The following SGCZ variants were observed in gnomAD, a reference collection of about 807,000 sequenced individuals.
The protein encoded by SGCZ is zeta-sarcoglycan.
A neutral mutation model predicts 41.3 loss-of-function variants in SGCZ; 40 were observed. That is an observed-to-expected ratio of 0.97 (90% confidence interval 0.75 to 1.26). The LOEUF (loss-of-function observed/expected upper bound fraction) is 1.26, where lower values mean the gene tolerates loss of function less well. Among genes scored for constraint, SGCZ ranks in the 50% most tolerant of loss-of-function variants. SGCZ has a pLI of 0.00. For synonymous variants in SGCZ, 206 were observed against 137.5 expected, an observed-to-expected ratio of 1.50 and a Z score of -3.49; for missense variants, 552 against 369.8, an observed-to-expected ratio of 1.49 and a Z score of -4.04.
At chr8:14,922,002 C>T (rs1373173963) in intron 1 of SGCZ, among the ~76,000 whole-genome samples, 1 of 152,062 alleles carries the variant, frequency 6.6e-6, no homozygotes, top group Non-Finnish European at 1.5e-5. Context: ...ATATTCAAAT[C>T]ACTTTTTATT....
At chr8:14,753,778 A>G (rs1474932209) in intron 1 of SGCZ, among the ~76,000 whole-genome samples, 2 of 152,180 alleles carry the variant, frequency 1.3e-5, no homozygotes, top group East Asian at 1.9e-4. Context: ...TTGCCCATAC[A>G]TGACAGCCAA....
chr8:14,552,526 T>A (rs538984399), intron 2 of SGCZ, among the ~76,000 whole-genome samples: 1 of 151,924 alleles, frequency 6.6e-6, no homozygotes, highest in East Asian at 1.9e-4. Context: ...AAGGAAAACG[T>A]AAAAAAATAA....
rs1801746062 is a variant in SGCZ, at chr8:14,811,798, T to G, written c.40-256872A>C. ...TCACTCAAATCATTTTCAAAGCTGC[T>G]ATTCCAATTCCCTTTCAGATCAAAT... On this transcript the variant is annotated intron_variant, in intron 1 of 7. Transcript: ENST00000382080. Among the ~76,000 whole-genome samples the G allele has an allele frequency of 2.6e-5, 4 of 152,190 alleles. 1 individual carries two copies. The Middle Eastern group carries it at 0.014, about 518-fold the overall frequency.
intron 1 of SGCZ, among the ~76,000 whole-genome samples, chr8:15,226,185 A>C (rs1462686175): frequency 6.6e-6 from 1 of 152,128 alleles, no homozygotes; most frequent in African/African-American, 2.4e-5. Flanking sequence ...GGACCTACCT[A>C]CCTACCTCCC....
At chr8:14,634,162 A>C (rs1176596781) in intron 1 of SGCZ, among the ~76,000 whole-genome samples, 3 of 151,896 alleles carry the variant, frequency 2.0e-5, no homozygotes, top group Non-Finnish European at 4.4e-5. Flanking sequence ...AGCTTTGAAT[A>C]AGATTTTATT....
chr8:14,244,133 CT>C (rs1452205892), intron 3 of SGCZ, among the ~76,000 whole-genome samples: 6 of 150,502 alleles, frequency 4.0e-5, no homozygotes. Flanking sequence ...TACTCCCCTT[CT>C]TTTCTTCCTT....
At chr8:14,983,468 C>A (rs1801736489) in intron 1 of SGCZ, among the ~76,000 whole-genome samples, 2 of 152,028 alleles carry the variant, frequency 1.3e-5, no homozygotes, top group Admixed American at 6.6e-5. Context: ...CAAACTCTAC[C>A]TCCTGGGCTT....
chr8:14,404,286 GATTAT>G (rs1212179712), intron 2 of SGCZ, among the ~76,000 whole-genome samples: 3 of 151,914 alleles, frequency 2.0e-5, no homozygotes, highest in Non-Finnish European at 4.4e-5. Context: ...AATCTTTAAG[GATTAT>G]ATTATGCCAA....
At position 15,237,618 on chromosome 8, in the gene SGCZ, G is replaced by A. The variant is rs369851920; in HGVS notation, c.6C>T (p.Asp2=). 87 of 1,585,988 alleles carry A rather than the reference G, an allele frequency of 5.5e-5. No individual in the cohort carries two copies. The highest frequency in any genetic ancestry group is 1.7e-4 in the Middle Eastern group (1 of 6,052). The part of the protein sequence containing the change: M[D]RSTNLDIEEL... ...CCTCAATGTCCAGGTTCGTTGATCT[G>A]TCCATGGAGCGCAACTAAACGAAGT... Residue 2 remains aspartate, a synonymous_variant, in exon 1 of 8, where the codon GAC becomes GAT. Transcript: ENST00000382080.
chr8:14,227,006 C>T (rs753664140), intron 4 of SGCZ, among the ~76,000 whole-genome samples: 4 of 152,046 alleles, frequency 2.6e-5, no homozygotes, highest in Non-Finnish European at 5.9e-5. Flanking sequence ...CTATAATACT[C>T]TAGTGTGCTT....
chr8:14,195,483 GA>G (rs920541155), intron 4 of SGCZ, among the ~76,000 whole-genome samples: 1 of 152,092 alleles, frequency 6.6e-6, no homozygotes, highest in Non-Finnish European at 1.5e-5. Context: ...TCAGAAGACA[GA>G]AAAAAATAAT....
intron 1 of SGCZ, among the ~76,000 whole-genome samples, chr8:15,025,607 A>G (rs1803426846): frequency 6.6e-6 from 1 of 152,196 alleles, no homozygotes; most frequent in Non-Finnish European, 1.5e-5. Flanking sequence ...TTTGATGACA[A>G]CCAACACCTG....
At chr8:14,364,443 A>C (rs1803629187) in intron 2 of SGCZ, among the ~76,000 whole-genome samples, 1 of 152,172 alleles carries the variant, frequency 6.6e-6, no homozygotes, top group South Asian at 2.1e-4. Flanking sequence ...CTGATCTGCA[A>C]GACAGCACTG....
intron 1 of SGCZ, among the ~76,000 whole-genome samples, chr8:15,035,335 G>A (rs562872012): frequency 6.6e-6 from 1 of 152,190 alleles, no homozygotes; most frequent in South Asian, 2.1e-4. Flanking sequence ...TAAAGCAAAA[G>A]TCTACAGTTG....
At chr8:14,773,642 C>G (rs777999524) in intron 1 of SGCZ, among the ~76,000 whole-genome samples, 44 of 152,290 alleles carry the variant, frequency 2.9e-4, no homozygotes, top group Non-Finnish European at 5.3e-4. Flanking sequence ...TCCTCTTCCT[C>G]TATATTGCCA....
At chr8:14,284,345 C>A (rs1800549216) in intron 3 of SGCZ, among the ~76,000 whole-genome samples, 1 of 152,136 alleles carries the variant, frequency 6.6e-6, no homozygotes. Context: ...TGAGCTGTGG[C>A]CATGCCACTG....
rs369941893 is a variant in SGCZ, at chr8:15,237,568, C to T, written c.39+17G>A. 1,333 of 1,586,144 alleles carry T rather than the reference C, an allele frequency of 8.4e-4. 9 individuals are homozygous for T. In the Middle Eastern group the frequency reaches 0.012, roughly 15 times the overall value. On this transcript the variant is annotated intron_variant, in intron 1 of 7. Transcript: ENST00000382080. Reference sequence around the variant, plus strand: ...CGCCGAGAAGCGGCCGCGAAGCCCGCCCGGACCCGCACGTACCTTGAGCTC... The same window carrying T: ...CGCCGAGAAGCGGCCGCGAAGCCCGTCCGGACCCGCACGTACCTTGAGCTC...
chr8:15,031,806 TAGC>T (rs1397562189), intron 1 of SGCZ, among the ~76,000 whole-genome samples: 3 of 152,140 alleles, frequency 2.0e-5, no homozygotes, highest in African/African-American at 7.2e-5. Flanking sequence ...CATGAGGACA[TAGC>T]AGCTTCTCTT....
intron 1 of SGCZ, among the ~76,000 whole-genome samples, chr8:15,109,689 T>A (rs537791443): frequency 6.6e-6 from 1 of 152,268 alleles, no homozygotes; most frequent in South Asian, 2.1e-4. Context: ...ATCATATATT[T>A]AAATACTCAC....
Sources: allele counts gnomAD v4.1 joint callset (sites outside exome capture counted in the v4.1 genomes callset), GRCh38; gene constraint gnomAD v4.1.1; transcripts MANE v1.5; gene names NCBI Gene and HGNC (gene_info 2026-07-23, HGNC 2026-07-21).